PPP2R2B: variants seen among roughly 807,000 people sequenced by gnomAD.
The protein encoded by PPP2R2B is serine/threonine-protein phosphatase 2A 55 kDa regulatory subunit B beta isoform.
PPP2R2B carries 5 observed loss-of-function variants against 46.0 expected under a neutral mutation model. The ratio of observed to expected loss-of-function variants is 0.11; its 90% confidence interval spans 0.06 to 0.23. The LOEUF is 0.23. Ranked by LOEUF, PPP2R2B falls within the 10% of genes least tolerant of loss-of-function variation. PPP2R2B has a pLI of 1.00. For missense variants in PPP2R2B, 367 were observed against 575.0 expected (o/e 0.64, Z 3.70); for synonymous variants, 215 against 206.7 (o/e 1.04, Z -0.34).
At chr5:146,854,054 T>C (rs145540686) in intron 2 of PPP2R2B, among the ~76,000 whole-genome samples, 1,612 of 152,146 alleles carry the variant, frequency 0.011, 35 homozygotes, top group African/African-American at 0.037. Context: ...GTCTATATAC[T>C]AAACCTTTGC....
chr5:146,923,119 A>C (rs915895547), intron 1 of PPP2R2B, among the ~76,000 whole-genome samples: 7 of 152,234 alleles, frequency 4.6e-5, no homozygotes, highest in South Asian at 2.1e-4. Context: ...TGAGAGTCTA[A>C]ATTTCTTTTT....
intron 7 of PPP2R2B, among the ~76,000 whole-genome samples, chr5:146,626,376 T>G (rs898407693): frequency 6.6e-6 from 1 of 152,222 alleles, no homozygotes; most frequent in African/African-American, 2.4e-5. Context: ...ATTAATTCCT[T>G]GGCACCACAA....
At chr5:146,677,832 G>A (rs962822586) in intron 5 of PPP2R2B, among the ~76,000 whole-genome samples, 29 of 152,208 alleles carry the variant, frequency 1.9e-4, no homozygotes, top group African/African-American at 6.3e-4. Flanking sequence ...CTGGCCCGCT[G>A]TGACTATTTT....
chr5:147,048,053 T>C (rs921803861), intron 1 of PPP2R2B, among the ~76,000 whole-genome samples: 3 of 152,300 alleles, frequency 2.0e-5, no homozygotes, highest in African/African-American at 4.8e-5. Flanking sequence ...TTTAATTCAA[T>C]AGGGCTGTGG....
intron 5 of PPP2R2B, among the ~76,000 whole-genome samples, chr5:146,684,815 A>G (rs1778387996): frequency 6.6e-6 from 1 of 152,102 alleles, no homozygotes; most frequent in African/African-American, 2.4e-5. Context: ...TCACCTGGGC[A>G]TTTTCTGGGA....
chr5:146,713,064 G>A (rs747143003), intron 2 of PPP2R2B, among the ~76,000 whole-genome samples: 6 of 152,158 alleles, frequency 3.9e-5, no homozygotes, highest in Admixed American at 6.5e-5. Context: ...TATGTACTAA[G>A]GAAAACAAAT....
At chr5:147,055,833 A>G in exon 1 of PPP2R2B, 3 of 1,525,574 alleles carry the variant, frequency 2.0e-6, no homozygotes, top group Non-Finnish European at 2.6e-6. Flanking sequence ...CTACATCACC[A>G]ATATGTTTAT....
At chr5:147,074,167 G>C (rs1757687717) in intron 2 of PPP2R2B, among the ~76,000 whole-genome samples, 1 of 152,170 alleles carries the variant, frequency 6.6e-6, no homozygotes, top group Admixed American at 6.5e-5. Context: ...ATTCCCAGGG[G>C]ATTCATATGC....
chr5:146,940,059 A>C (rs936388890), intron 1 of PPP2R2B, among the ~76,000 whole-genome samples: 10 of 152,212 alleles, frequency 6.6e-5, no homozygotes, highest in African/African-American at 2.4e-4. Context: ...AGAGTAAAAC[A>C]AAGATTTCAA....
chr5:146,643,962 C>A (rs1775402960), intron 6 of PPP2R2B, among the ~76,000 whole-genome samples: 1 of 152,072 alleles, frequency 6.6e-6, no homozygotes, highest in African/African-American at 2.4e-5. Context: ...GGAAAGCAGC[C>A]ATAGATAATA....
chr5:146,653,455 A>G (rs1232067030), intron 5 of PPP2R2B, among the ~76,000 whole-genome samples: 1 of 152,124 alleles, frequency 6.6e-6, no homozygotes, highest in Non-Finnish European at 1.5e-5. Flanking sequence ...ATAGTTTGTC[A>G]CAAAGGAGCT....
chr5:146,698,810 T>C (rs1409558921), intron 3 of PPP2R2B, among the ~76,000 whole-genome samples: 1 of 151,818 alleles, frequency 6.6e-6, no homozygotes, highest in African/African-American at 2.4e-5. Flanking sequence ...GGATGCTACC[T>C]GCATCATTAA....
At chr5:146,928,666 A>G (rs1325135693) in intron 1 of PPP2R2B, among the ~76,000 whole-genome samples, 1 of 152,126 alleles carries the variant, frequency 6.6e-6, no homozygotes, top group Non-Finnish European at 1.5e-5. Flanking sequence ...CTCATATTCC[A>G]TACTCAACAT....
intron 1 of PPP2R2B, among the ~76,000 whole-genome samples, chr5:146,887,950 T>C (rs181219054): frequency 1.3e-5 from 2 of 152,208 alleles, no homozygotes; most frequent in African/African-American, 2.4e-5. Flanking sequence ...AGGTATTCCA[T>C]TGTCTTTAAC....
chr5:146,872,791 T>C (rs1364554005), intron 2 of PPP2R2B, among the ~76,000 whole-genome samples: 1 of 152,228 alleles, frequency 6.6e-6, no homozygotes, highest in Non-Finnish European at 1.5e-5. Context: ...TGTGGTTATT[T>C]ATGCTTACCA....
intron 1 of PPP2R2B, among the ~76,000 whole-genome samples, chr5:147,004,275 C>T (rs1487818610): frequency 6.6e-6 from 1 of 150,490 alleles, no homozygotes; most frequent in Non-Finnish European, 1.5e-5. Context: ...AGAAGACACA[C>T]TGCCCCAGAG....
rs950178454 is a variant in PPP2R2B at position 146,588,446 on chromosome 5, C to T, written c.*1501G>A. ...ACATCTGTAAACTGAAAGAAAATTT[C>T]CCTTTCATTGAAAAACTCTCATCTC... On this transcript the variant is annotated 3_prime_UTR_variant, in exon 10 of 10. Transcript: ENST00000394411. The T allele has an allele frequency of 6.6e-6, 1 of 152,142 alleles. No homozygotes were observed. Among genetic ancestry groups the T allele is most frequent in the Non-Finnish European group, 1.5e-5 (1 of 68,018 alleles). 9.4% of individuals were successfully genotyped at this position (152,142 alleles called of 1,614,324 possible).
intron 7 of PPP2R2B, chr5:146,616,792 A>G (rs1010782545): frequency 2.0e-5 from 3 of 152,358 alleles, no homozygotes; most frequent in Admixed American, 1.3e-4. Flanking sequence ...TCGAAAAACC[A>G]CTATGAATAA....
intron 2 of PPP2R2B, among the ~76,000 whole-genome samples, chr5:146,809,344 C>A (rs1013404705): frequency 4.6e-5 from 7 of 151,998 alleles, no homozygotes; most frequent in African/African-American, 1.7e-4. Context: ...ACTTTAATTT[C>A]TCTGCTAATT....
Sources: allele counts gnomAD v4.1 joint callset (sites outside exome capture counted in the v4.1 genomes callset), GRCh38; gene constraint gnomAD v4.1.1; transcripts MANE v1.5; gene names NCBI Gene and HGNC (gene_info 2026-07-23, HGNC 2026-07-21).